The following DAZAP1 variants were observed in gnomAD, a reference collection of about 807,000 sequenced individuals.
DAZAP1 encodes the protein DAZ associated protein 1.
A neutral mutation model predicts 60.1 loss-of-function variants in DAZAP1; 6 were observed. That is an observed-to-expected ratio of 0.10 (90% CI 0.05 to 0.20). The LOEUF (loss-of-function observed/expected upper bound fraction) is 0.20, where lower values mean the gene tolerates loss of function less well. Among genes scored for constraint, DAZAP1 ranks in the 10% least tolerant of loss-of-function variants. DAZAP1 has a pLI of 1.00. For missense variants in DAZAP1, 366 were observed against 560.4 expected, an observed-to-expected ratio of 0.65 and a Z score of 3.50; for synonymous variants, 235 against 215.9, an observed-to-expected ratio of 1.09 and a Z score of -0.78.
intron 8 of DAZAP1, 112 bp from the exon 9 acceptor site, chr19:1,429,855 A>C: frequency 7.5e-7 from 1 of 1,336,638 alleles, no homozygotes; most frequent in Non-Finnish European, 1.0e-6. Flanking sequence ...CTCTAAGCAC[A>C]GGAGGCTCCG....
chr19:1,412,129 C>T (rs1348812587), intron 1 of DAZAP1, among the ~76,000 whole-genome samples: 2 of 152,294 alleles, frequency 1.3e-5, no homozygotes, highest in East Asian at 1.9e-4. Context: ...CATTCAGGGG[C>T]TCCTTCAGCA....
rs1412339910 is a variant in DAZAP1 at position 1,418,832 on chromosome 19, GCGA to G, written c.303+104_303+106del. On this transcript the variant is annotated intron_variant, in intron 4 of 11. Coordinates refer to ENST00000233078, the MANE Select transcript of DAZAP1 (RefSeq NM_018959.4). The surrounding 1 kb of genome is among the most constrained non-coding windows in gnomAD (Gnocchi z 5.7). ...CTGTTGTCGCTCGTTAAGATTGAGG[GCGA>G]CGCAGGTCTTCTGGGTTGGCACTCG... 13 of 1,252,154 alleles carry G rather than the reference GCGA, an allele frequency of 1.0e-5. No homozygotes were observed. The East Asian group carries it at 3.1e-4, about 30-fold the overall frequency. 77.6% of individuals were successfully genotyped at this position (1,252,154 alleles called of 1,614,324 possible). A position where few individuals can be genotyped will look rare whatever the true frequency, so the allele number is the denominator to read the frequency against.
Position 1,418,402 on chromosome 19 carries a change from C to G in DAZAP1, c.237+32C>G, listed in dbSNP as rs2083049354. ...GCCCTTCCGGGAGCTCACACCCGCT[C>G]TCTGTCTCCCCTGTCCTTCCTCTGC... is the stretch of plus-strand genomic sequence containing the variant. On this transcript the variant is annotated intron_variant, in intron 3 of 11. Coordinates refer to ENST00000233078, the MANE Select transcript of DAZAP1 (RefSeq NM_018959.4). The surrounding 1 kb of genome is among the most constrained non-coding windows in gnomAD (Gnocchi z 5.7). 6.2e-7 allele frequency: 1 copy of G among 1,605,488 alleles called. No homozygotes were observed. The highest frequency in any genetic ancestry group is 1.1e-5 in the South Asian group (1 of 90,752).
Position 1,432,807 on chromosome 19 carries a change from G to A in DAZAP1, c.1048+117G>A. On this transcript the variant is annotated intron_variant, in intron 11 of 11. Transcript: ENST00000233078. This position sits in a 1 kb window ranked among gnomAD's most constrained non-coding sequence, Gnocchi z 4.9. ...CCCAGCCTTTACCTGGTGGGAAAGG[G>A]GAGAGGGAGGAGAGGGGGGTGTGGG... 1 of 1,185,008 alleles carries A rather than the reference G, an allele frequency of 8.4e-7. No homozygotes were observed. Among genetic ancestry groups the A allele is most frequent in the Admixed American group, 2.5e-5 (1 of 39,934 alleles). The allele number at this position is 1,185,008 out of a possible 1,614,324, so 73.4% of individuals were successfully genotyped here.
rs536181743 is a variant in DAZAP1, at chr19:1,423,993, C to T, written c.463+1597C>T. 6.6e-6 allele frequency among the ~76,000 whole-genome samples: 1 copy of T among 152,208 alleles called. No individual in the cohort carries two copies. The highest frequency in any genetic ancestry group is 6.5e-5 in the Admixed American group (1 of 15,290). ...CGAGTGGAGGGCCGGAGAGACGCTGCGGCGCTGCTTAGCGGGTCCTCCCAG... is the reference window on the plus strand; with the variant it reads ...CGAGTGGAGGGCCGGAGAGACGCTGTGGCGCTGCTTAGCGGGTCCTCCCAG... On this transcript the variant is annotated intron_variant, in intron 6 of 11. Coordinates refer to ENST00000233078, the MANE Select transcript of DAZAP1 (RefSeq NM_018959.4). This position sits in a 1 kb window ranked among gnomAD's most constrained non-coding sequence, Gnocchi z 6.8.
chr19:1,416,065 G>A lies in DAZAP1; in HGVS notation c.30-1435G>A, dbSNP rs1197249586. ...GACACTTCACCAGGGGCTGACTCGC[G>A]GGGGCTGAGTGTACAGGCCCCAGGT... On this transcript the variant is annotated intron_variant, in intron 1 of 11. Coordinates refer to ENST00000233078, the MANE Select transcript of DAZAP1 (RefSeq NM_018959.4). This position sits in a 1 kb window ranked among gnomAD's most constrained non-coding sequence, Gnocchi z 4.3. The A allele has an allele frequency of 2.0e-5, 3 of 152,236 alleles. No homozygotes were observed. The highest frequency in any genetic ancestry group is 1.9e-4 in the East Asian group (1 of 5,194). 9.4% of individuals were successfully genotyped at this position (152,236 alleles called of 1,614,324 possible).
intron 1 of DAZAP1, among the ~76,000 whole-genome samples, chr19:1,415,389 GTTTTGTTTTTT>G (rs2082950413): frequency 1.6e-5 from 2 of 127,580 alleles, no homozygotes; most frequent in African/African-American, 3.0e-5. Flanking sequence ...GTGTGTGTGT[GTTTTGTTTTTT>G]TTTTTTTTTT....
intron 10 of DAZAP1, among the ~76,000 whole-genome samples, chr19:1,430,777 G>T (rs2083430223): frequency 6.6e-6 from 1 of 150,978 alleles, no homozygotes; most frequent in Non-Finnish European, 1.5e-5. Context: ...CTGGAGTGCA[G>T]TGGCGCAATC....
chr19:1,413,120 G>A (rs956111877), intron 1 of DAZAP1, among the ~76,000 whole-genome samples: 2 of 152,286 alleles, frequency 1.3e-5, no homozygotes, highest in South Asian at 2.1e-4. Flanking sequence ...GCCTTGCCCC[G>A]TTAACGTCCT....
chr19:1,429,864 C>T (rs532645268), intron 8 of DAZAP1, 103 bp from the exon 9 acceptor site: 52 of 1,426,280 alleles, frequency 3.6e-5, no homozygotes, highest in Middle Eastern at 1.8e-4. Flanking sequence ...CAGGAGGCTC[C>T]GGGGTTGGTC....
rs977752021 is a variant in DAZAP1 at position 1,423,016 on chromosome 19, C to CT, written c.463+624dup. ...CGATGGGCGCCCAGTTTCTGTGCCC[C>CT]TTTTCCGTGGCTGCTGCTGTCTGTC... On this transcript the variant is annotated intron_variant, in intron 6 of 11. Coordinates refer to ENST00000233078, the MANE Select transcript of DAZAP1 (RefSeq NM_018959.4). This position sits in a 1 kb window ranked among gnomAD's most constrained non-coding sequence, Gnocchi z 6.8. 1.3e-5 allele frequency among the ~76,000 whole-genome samples: 2 copies of CT among 152,124 alleles called. No homozygotes were observed. The highest frequency in any genetic ancestry group is 4.8e-5 in the African/African-American group (2 of 41,426).
chr19:1,424,871 G>A (rs1036862080), intron 6 of DAZAP1, among the ~76,000 whole-genome samples: 2 of 152,170 alleles, frequency 1.3e-5, no homozygotes, highest in Non-Finnish European at 2.9e-5. Context: ...TCGGGAGGAC[G>A]GTGTGCTTTG....
intron 1 of DAZAP1, among the ~76,000 whole-genome samples, chr19:1,409,265 G>A (rs1054526097): frequency 1.3e-5 from 2 of 152,212 alleles, no homozygotes; most frequent in Non-Finnish European, 2.9e-5. Context: ...CGACTTTGGG[G>A]TGAGGCAGGG....
rs370042829 is a variant in DAZAP1, at chr19:1,426,012, A to G, written c.546+52A>G. The G allele has an allele frequency of 7.8e-7, 1 of 1,279,980 alleles. No individual in the cohort carries two copies. The highest frequency in any genetic ancestry group is 1.5e-5 in the African/African-American group (1 of 68,262). 79.3% of individuals were successfully genotyped at this position (1,279,980 alleles called of 1,614,324 possible). A position where few individuals can be genotyped will look rare whatever the true frequency, so the allele number is the denominator to read the frequency against. ...TTAAGACCAAACCAAGTCTTAGGCAACTTAGGGGTTTCACTGGAAAGGAAC... is the reference window on the plus strand; with the variant it reads ...TTAAGACCAAACCAAGTCTTAGGCAGCTTAGGGGTTTCACTGGAAAGGAAC... On this transcript the variant is annotated intron_variant, in intron 7 of 11. Coordinates refer to ENST00000233078, the MANE Select transcript of DAZAP1 (RefSeq NM_018959.4). The surrounding 1 kb of genome is among the most constrained non-coding windows in gnomAD (Gnocchi z 5.4).
chr19:1,422,991 C>T lies in DAZAP1; in HGVS notation c.463+595C>T, dbSNP rs569951354. Among the ~76,000 whole-genome samples, 5 of 152,270 alleles carry T rather than the reference C, an allele frequency of 3.3e-5. No homozygotes were observed. The highest frequency in any genetic ancestry group is 1.9e-4 in the East Asian group (1 of 5,194). On this transcript the variant is annotated intron_variant, in intron 6 of 11. Coordinates refer to ENST00000233078, the MANE Select transcript of DAZAP1 (RefSeq NM_018959.4). This position sits in a 1 kb window ranked among gnomAD's most constrained non-coding sequence, Gnocchi z 4.5. ...TCCATGCTGGTTTGTGGAGCTGGGA[C>T]GATGGGCGCCCAGTTTCTGTGCCCC... is the stretch of plus-strand genomic sequence containing the variant.
At chr19:1,417,192 A>T in intron 1 of DAZAP1, 1 of 445,644 alleles carries the variant, frequency 2.2e-6, no homozygotes, top group South Asian at 2.6e-5. Context: ...GCAGCAGTGC[A>T]GGTGAGCGTG....
chr19:1,419,653 G>C (rs919342585), intron 4 of DAZAP1, among the ~76,000 whole-genome samples: 1 of 152,150 alleles, frequency 6.6e-6, no homozygotes, highest in African/African-American at 2.4e-5. Flanking sequence ...ATTCCATCTG[G>C]TTATTAATGT....
intron 1 of DAZAP1, among the ~76,000 whole-genome samples, chr19:1,412,454 G>T (rs1440388018): frequency 6.6e-6 from 1 of 152,234 alleles, no homozygotes; most frequent in East Asian, 1.9e-4. Flanking sequence ...GTGACTGGCG[G>T]AGCCCAGAGC....
At chr19:1,430,496 A>G (rs1169980329) in intron 10 of DAZAP1, 134 bp downstream of exon 10, 5 of 777,664 alleles carry the variant, frequency 6.4e-6, no homozygotes, top group Non-Finnish European at 9.6e-6. Flanking sequence ...TCAGCAGGTC[A>G]CCTGCCACCA....
Sources: allele counts gnomAD v4.1 joint callset (sites outside exome capture counted in the v4.1 genomes callset), GRCh38; gene constraint gnomAD v4.1.1; non-coding constraint Gnocchi (gnomAD v3.1); transcripts MANE v1.5; gene names NCBI Gene and HGNC (gene_info 2026-07-23, HGNC 2026-07-21).